CCNYL1: variants seen among roughly 807,000 people sequenced by gnomAD.
CCNYL1 encodes the protein cyclin-Y-like protein 1.
Under a neutral mutation model 44.2 loss-of-function variants are expected in CCNYL1, and 16 were observed. The observed-to-expected ratio is 0.36, with a 90% confidence interval of 0.25 to 0.55. The LOEUF is 0.55. Ranked by LOEUF, CCNYL1 falls within the 20% of genes least tolerant of loss-of-function variation. The pLI is 0.85. For missense variants in CCNYL1, 348 were observed against 451.8 expected, an observed-to-expected ratio of 0.77 and a Z score of 2.08; for synonymous variants, 159 against 163.2, an observed-to-expected ratio of 0.97 and a Z score of 0.20.
chr2:207,723,157 G>A (rs2091654104), intron 1 of CCNYL1, among the ~76,000 whole-genome samples: 1 of 152,132 alleles, frequency 6.6e-6, no homozygotes, highest in Admixed American at 6.5e-5. Context: ...GTTTAAAAAA[G>A]TTGAGTGAAG....
intron 1 of CCNYL1, among the ~76,000 whole-genome samples, chr2:207,712,785 G>C (rs2091561562): frequency 6.6e-6 from 1 of 152,156 alleles, no homozygotes; most frequent in South Asian, 2.1e-4. Flanking sequence ...TGACTGTGAA[G>C]GGTGTGAGAG....
chr2:207,722,154 C>T (rs773582588), intron 1 of CCNYL1, among the ~76,000 whole-genome samples: 4 of 149,350 alleles, frequency 2.7e-5, no homozygotes, highest in Non-Finnish European at 5.9e-5. Context: ...TTCACTGCAA[C>T]CTCTGCCTCC....
At chr2:207,725,824 A>T (rs1277964223) in intron 2 of CCNYL1, among the ~76,000 whole-genome samples, 1 of 152,182 alleles carries the variant, frequency 6.6e-6, no homozygotes, top group Non-Finnish European at 1.5e-5. Flanking sequence ...TATCTTCCTT[A>T]TAATTATGTT....
intron 1 of CCNYL1, among the ~76,000 whole-genome samples, chr2:207,715,346 A>G (rs1026188967): frequency 6.6e-6 from 1 of 151,652 alleles, no homozygotes; most frequent in African/African-American, 2.4e-5. Flanking sequence ...AATCATACAT[A>G]AATGACGCTC....
intron 7 of CCNYL1, among the ~76,000 whole-genome samples, chr2:207,746,464 A>AG (rs1415340706): frequency 6.6e-6 from 1 of 152,190 alleles, no homozygotes; most frequent in Non-Finnish European, 1.5e-5. Context: ...AGGTGATAAG[A>AG]GTGCCTCTCT....
intron 1 of CCNYL1, among the ~76,000 whole-genome samples, chr2:207,720,333 T>C (rs1306650699): frequency 1.3e-5 from 2 of 152,060 alleles, no homozygotes; most frequent in African/African-American, 4.8e-5. Context: ...AATTAAGCTT[T>C]AGAGTTAAAA....
chr2:207,737,492 G>A (rs1157663593), intron 5 of CCNYL1, 46 bp downstream of exon 5: 2 of 1,495,110 alleles, frequency 1.3e-6, no homozygotes, highest in Non-Finnish European at 9.3e-7. Context: ...TAATTACTTT[G>A]CATGATATCA....
intron 5 of CCNYL1, among the ~76,000 whole-genome samples, chr2:207,737,801 T>A (rs1391978105): frequency 2.6e-5 from 4 of 152,218 alleles, no homozygotes; most frequent in Non-Finnish European, 4.4e-5. Flanking sequence ...TTGTAGGATA[T>A]TTAACAGCTG....
intron 8 of CCNYL1, among the ~76,000 whole-genome samples, chr2:207,747,555 A>AT (rs1213676082): frequency 7.2e-5 from 11 of 151,978 alleles, no homozygotes; most frequent in Non-Finnish European, 1.3e-4. Context: ...ATTTTATTTT[A>AT]TTTTTTGTTT....
At chr2:207,735,362 CTT>C (rs539159880) in intron 4 of CCNYL1, among the ~76,000 whole-genome samples, 34 of 152,172 alleles carry the variant, frequency 2.2e-4, no homozygotes, top group Non-Finnish European at 4.7e-4. Context: ...ACTTACGCAA[CTT>C]TTTTCAAAAT....
chr2:207,712,282 C>A (rs986857592), intron 1 of CCNYL1, among the ~76,000 whole-genome samples, 166 bp downstream of exon 1: 1 of 152,188 alleles, frequency 6.6e-6, no homozygotes, highest in Admixed American at 6.5e-5. Flanking sequence ...TCTTGCCCTG[C>A]TGCGTCTGGC....
intron 1 of CCNYL1, chr2:207,714,386 G>A: frequency 2.4e-6 from 1 of 415,280 alleles, no homozygotes; most frequent in Non-Finnish European, 4.6e-6. Context: ...CGAACTCCTG[G>A]CCTGGGCTCA....
At chr2:207,741,946 T>C (rs1420073674) in intron 6 of CCNYL1, among the ~76,000 whole-genome samples, 1 of 150,612 alleles carries the variant, frequency 6.6e-6, no homozygotes, top group African/African-American at 2.4e-5. Flanking sequence ...AGGTCAGGAG[T>C]TTGAGACCAG....
chr2:207,735,042 A>G (rs2091754449), intron 4 of CCNYL1, among the ~76,000 whole-genome samples: 2 of 152,212 alleles, frequency 1.3e-5, no homozygotes, highest in South Asian at 4.1e-4. Context: ...TTTTGAATTC[A>G]AAAGATTCTG....
At chr2:207,736,918 G>GTT (rs776221094) in intron 4 of CCNYL1, among the ~76,000 whole-genome samples, 9 of 141,574 alleles carry the variant, frequency 6.4e-5, no homozygotes, top group Non-Finnish European at 1.1e-4. Flanking sequence ...ATATTACTGG[G>GTT]TTTTTTTTTT....
chr2:207,722,203 G>T (rs184782571), intron 1 of CCNYL1, among the ~76,000 whole-genome samples: 2 of 151,780 alleles, frequency 1.3e-5, no homozygotes, highest in East Asian at 3.9e-4. Flanking sequence ...CTCCCGAGTA[G>T]CTGGGACTAG....
intron 7 of CCNYL1, among the ~76,000 whole-genome samples, chr2:207,745,839 G>C (rs1269631845): frequency 6.6e-6 from 1 of 152,134 alleles, no homozygotes; most frequent in African/African-American, 2.4e-5. Context: ...TACTTGGGAG[G>C]CTGAGGCAGG....
intron 1 of CCNYL1, 92 bp downstream of exon 1, chr2:207,712,208 T>G: frequency 9.1e-7 from 1 of 1,098,590 alleles, no homozygotes; most frequent in Non-Finnish European, 1.3e-6. Flanking sequence ...CGCCTCGGGC[T>G]CCTTCCTGCC....
chr2:207,716,858 C>A (rs2091600394), intron 1 of CCNYL1, among the ~76,000 whole-genome samples: 1 of 152,048 alleles, frequency 6.6e-6, no homozygotes, highest in Non-Finnish European at 1.5e-5. Context: ...GCCTGTAATC[C>A]CAGCACTTTG....
Sources: allele counts gnomAD v4.1 joint callset (sites outside exome capture counted in the v4.1 genomes callset), GRCh38; gene constraint gnomAD v4.1.1; transcripts MANE v1.5; gene names NCBI Gene and HGNC (gene_info 2026-07-23, HGNC 2026-07-21).